Variants in CPE observed in about 807,000 individuals in gnomAD.
CPE encodes the protein carboxypeptidase E, also known as carbocypeptidase E.
In CPE, 17 loss-of-function variants were observed where a neutral mutation model predicts 53.5. The ratio of observed to expected loss-of-function variants is 0.32; its 90% confidence interval spans 0.22 to 0.48. The LOEUF (loss-of-function observed/expected upper bound fraction) is 0.48. Among genes scored for constraint, CPE ranks in the 20% least tolerant of loss-of-function variants. The pLI is 0.99. For synonymous variants in CPE, 226 were observed against 228.8 expected (o/e 0.99, Z 0.11); for missense variants, 524 against 614.7 (o/e 0.85, Z 1.56).
intron 3 of CPE, among the ~76,000 whole-genome samples, chr4:165,476,296 TG>T (rs376391485): frequency 6.6e-6 from 1 of 152,136 alleles, no homozygotes; most frequent in Non-Finnish European, 1.5e-5. Flanking sequence ...CTTATGCTTC[TG>T]GGGGGTTGTG....
chr4:165,417,967 T>G (rs1317571764), intron 1 of CPE, among the ~76,000 whole-genome samples: 1 of 152,188 alleles, frequency 6.6e-6, no homozygotes, highest in Non-Finnish European at 1.5e-5. Flanking sequence ...GTGCAACTTA[T>G]GAAGGACCTC....
intron 6 of CPE, among the ~76,000 whole-genome samples, chr4:165,492,366 A>C (rs1732621528): frequency 1.3e-5 from 2 of 152,256 alleles, no homozygotes; most frequent in African/African-American, 4.8e-5. Flanking sequence ...CAGTAGCCAT[A>C]TAATGAATAC....
chr4:165,442,064 AC>A (rs1731625411), intron 1 of CPE, among the ~76,000 whole-genome samples: 2 of 106,160 alleles, frequency 1.9e-5, no homozygotes, highest in African/African-American at 4.3e-5. Flanking sequence ...TTTTTTTGAG[AC>A]AGGGTCTAGC....
chr4:165,453,360 CTCTCTCTCTCTTTCTTTCTT>C (rs954421083), intron 1 of CPE, among the ~76,000 whole-genome samples: 12 of 148,950 alleles, frequency 8.1e-5, no homozygotes, highest in South Asian at 4.3e-4. Flanking sequence ...TCCTTTCTCT[CTCTCTCTCTCTTTCTTTCTT>C]TCTCTCTCTC....
intron 1 of CPE, among the ~76,000 whole-genome samples, chr4:165,417,814 T>A (rs9996980): frequency 0.3 from 45,548 of 151,134 alleles, 6,968 homozygotes; most frequent in Middle Eastern, 0.41. Context: ...CAGCCCCTGG[T>A]ATCGTGCTTG....
At chr4:165,423,212 G>A (rs1402807125) in intron 1 of CPE, among the ~76,000 whole-genome samples, 2 of 152,118 alleles carry the variant, frequency 1.3e-5, no homozygotes, top group Non-Finnish European at 1.5e-5. Context: ...TGTGAGGGAG[G>A]TATGTAGCTT....
At chr4:165,435,406 G>C (rs531533178) in intron 1 of CPE, among the ~76,000 whole-genome samples, 1 of 152,156 alleles carries the variant, frequency 6.6e-6, no homozygotes, top group African/African-American at 2.4e-5. Context: ...GAAAGCTTGA[G>C]TTTGTGTTTA....
intron 1 of CPE, among the ~76,000 whole-genome samples, chr4:165,462,288 G>A (rs1428357931): frequency 6.6e-6 from 1 of 152,090 alleles, no homozygotes; most frequent in African/African-American, 2.4e-5. Context: ...GACATCTGGG[G>A]GCAAGTGTGG....
rs931424381 is a variant in CPE, at chr4:165,397,400, C to G, written c.307+17872C>G. ...ATCACAGGTTTGTAAGTGGCAAAAC[C>G]AAGATTAGAATATACATGTATATAT... On this transcript the variant is annotated intron_variant, in intron 1 of 8. Transcript: ENST00000402744. Among the ~76,000 whole-genome samples, 8 of 152,084 alleles carry G rather than the reference C, an allele frequency of 5.3e-5. No individual in the cohort carries two copies. The East Asian group carries it at 1.5e-3, about 29-fold the overall frequency.
At chr4:165,481,823 C>T (rs953941401) in intron 3 of CPE, among the ~76,000 whole-genome samples, 5 of 152,146 alleles carry the variant, frequency 3.3e-5, no homozygotes, top group African/African-American at 1.2e-4. Context: ...GTTTGAACCA[C>T]CACAGAGGAC....
At chr4:165,445,288 G>GT (rs11296419) in intron 1 of CPE, among the ~76,000 whole-genome samples, 16,408 of 147,252 alleles carry the variant, frequency 0.11, 1,026 homozygotes, top group Middle Eastern at 0.16. Flanking sequence ...CCCTTTTTTT[G>GT]TTTTTTTTTT....
chr4:165,483,940 A>G (rs1016352752), intron 4 of CPE, among the ~76,000 whole-genome samples: 3 of 152,204 alleles, frequency 2.0e-5, no homozygotes, highest in African/African-American at 7.2e-5. Flanking sequence ...GGCCTGCATA[A>G]TTTATAATGC....
intron 1 of CPE, among the ~76,000 whole-genome samples, chr4:165,410,508 A>C (rs17686918): frequency 0.045 from 6,849 of 152,230 alleles, 239 homozygotes; most frequent in East Asian, 0.15. Context: ...ACATATTTGG[A>C]ATCTTGTCAT....
At chr4:165,427,113 T>C (rs1731333808) in intron 1 of CPE, among the ~76,000 whole-genome samples, 1 of 152,198 alleles carries the variant, frequency 6.6e-6, no homozygotes, top group Non-Finnish European at 1.5e-5. Flanking sequence ...GGACGGAATT[T>C]TCCATTGTGG....
chr4:165,474,916 T>C lies in CPE; in HGVS notation c.672+7061T>C, dbSNP rs149435895. On this transcript the variant is annotated intron_variant, in intron 3 of 8. Coordinates refer to ENST00000402744, the MANE Select transcript of CPE (RefSeq NM_001873.4). ...GTAGATGAGAAGCCTGTTTTTCAGC[T>C]AACTGCCACAAGATGGCTGGATTTC... 6.7e-4 allele frequency among the ~76,000 whole-genome samples: 102 copies of C among 152,334 alleles called. No homozygotes were observed. In the East Asian group the frequency reaches 0.017, roughly 25 times the overall value.
At chr4:165,392,311 C>A (rs1730695159) in intron 1 of CPE, among the ~76,000 whole-genome samples, 2 of 143,580 alleles carry the variant, frequency 1.4e-5, no homozygotes, top group South Asian at 2.1e-4. Flanking sequence ...TATAATATAT[C>A]ATGTATTGTA....
intron 5 of CPE, among the ~76,000 whole-genome samples, 187 bp from the exon 6 acceptor site, chr4:165,487,251 G>A (rs569094365): frequency 6.6e-6 from 1 of 152,238 alleles, no homozygotes; most frequent in South Asian, 2.1e-4. Flanking sequence ...TGCTTTTAAG[G>A]TATAACAACC....
At chr4:165,421,539 A>G (rs1039374823) in intron 1 of CPE, among the ~76,000 whole-genome samples, 2 of 152,150 alleles carry the variant, frequency 1.3e-5, no homozygotes, top group African/African-American at 4.8e-5. Flanking sequence ...AATCCCGCAT[A>G]TTTACCTCAC....
chr4:165,448,427 C>T (rs958467553), intron 1 of CPE, among the ~76,000 whole-genome samples: 3 of 152,132 alleles, frequency 2.0e-5, no homozygotes, highest in African/African-American at 7.2e-5. Flanking sequence ...AGTGGTGGAG[C>T]CAGGATTCAG....
Sources: allele counts gnomAD v4.1 joint callset (sites outside exome capture counted in the v4.1 genomes callset), GRCh38; gene constraint gnomAD v4.1.1; transcripts MANE v1.5; gene names NCBI Gene and HGNC (gene_info 2026-07-23, HGNC 2026-07-21).